TEX52: variants seen among roughly 807,000 people sequenced by gnomAD.
TEX52 encodes testis-expressed protein 52.
A neutral mutation model predicts 17.6 loss-of-function variants in TEX52; 22 were observed. That is an observed-to-expected ratio of 1.25 (90% CI 0.89 to 1.78). The LOEUF (loss-of-function observed/expected upper bound fraction) is 1.78, where lower values mean the gene tolerates loss of function less well. Ranked by LOEUF, TEX52 falls within the 40% of genes most tolerant of loss-of-function variation. The pLI is 0.00. For missense variants in TEX52, 396 were observed against 372.3 expected (o/e 1.06, Z -0.52); for synonymous variants, 168 against 147.4 (o/e 1.14, Z -1.01).
intron 2 of TEX52, among the ~76,000 whole-genome samples, chr12:2,852,683 G>A (rs910614736): frequency 2.0e-5 from 3 of 152,074 alleles, no homozygotes; most frequent in Non-Finnish European, 4.4e-5. Flanking sequence ...TACTTGACCT[G>A]TCCAGCTCAG....
downstream of TEX52, among the ~76,000 whole-genome samples, chr12:2,848,856 C>T (rs988260701): frequency 2.7e-5 from 4 of 148,254 alleles, no homozygotes; most frequent in Non-Finnish European, 4.4e-5. Context: ...CCTCTTCCCC[C>T]ACCCCAACAG....
chr12:2,849,217 C>A lies in TEX52; in HGVS notation c.*14G>T, dbSNP rs1284714849. 2.6e-6 allele frequency: 4 copies of A among 1,530,666 alleles called. No homozygotes were observed. The highest frequency in any genetic ancestry group is 3.5e-6 in the Non-Finnish European group (4 of 1,144,948). The allele number at this position is 1,530,666 out of a possible 1,614,324, so 94.8% of individuals were successfully genotyped here. On this transcript the variant is annotated 3_prime_UTR_variant, in exon 3 of 3. Transcript: ENST00000637658. ...GGGCTCTGGGTATCACGATCGTCCC[C>A]TCTGGAAGCCCTTCTAGAAGTGTCC...
rs769154114 is a variant in TEX52 at position 2,854,914 on chromosome 12, G to A, written c.605C>T (p.Pro202Leu). The A allele has an allele frequency of 7.2e-5, 111 of 1,534,976 alleles. 2 individuals carry two copies. The highest frequency in any genetic ancestry group is 3.2e-4 in the South Asian group (27 of 83,966). ...GTCTTACTTCTTGAAGCTCGCTGGC[G>A]GCTGGATGTTGCCCTGGGCATCGAG... ...PPLDAQGNIQ[P>L]PASFKKYRHI... Residue 202 changes from proline (P) to leucine (L), a missense_variant, in exon 2 of 3, where the codon CCG (proline) becomes CTG (leucine). Coordinates refer to ENST00000637658, the MANE Select transcript of TEX52 (RefSeq NM_001365174.2).
intron 2 of TEX52, among the ~76,000 whole-genome samples, chr12:2,854,069 C>A (rs189880256): frequency 5.9e-5 from 9 of 152,224 alleles, no homozygotes; most frequent in Admixed American, 1.3e-4. Flanking sequence ...CTTGTTGCCC[C>A]GGCTGGAGTG....
In TEX52 at chr12:2,855,413, G is replaced by A. The variant is rs1387570774; in HGVS notation, c.106C>T (p.Gln36Ter). The change falls in exon 2 of 3, where the codon CAA (glutamine) becomes TAA (stop). Residue 36 changes from glutamine to a stop codon, truncating the protein, a stop_gained. Transcript: ENST00000637658. LOFTEE classifies it high-confidence loss of function. The part of the protein sequence containing the change: ...VQASESLPPS[Q>*]TWAQREFFLP... ...AAGAACTCACGCTGAGCCCACGTTT[G>A]GGAGGGTGGGAGGGACTCGCTGGCC... 2 of 1,482,058 alleles carry A rather than the reference G, an allele frequency of 1.3e-6. No homozygotes were observed. Among genetic ancestry groups the A allele is most frequent in the South Asian group, 1.3e-5 (1 of 76,966 alleles). 91.8% of individuals were successfully genotyped at this position (1,482,058 alleles called of 1,614,324 possible).
In TEX52 at chr12:2,849,387, C is replaced by T; in HGVS notation, c.762G>A (p.Leu254=). ...LPHYQEKVLK[L]ALLPSAPLSQ... is the part of the protein sequence containing the mutation. ...TCAGGGGCGCGCTGGGCAGCAAGGC[C>T]AGCTTTAGCACCTTCTCCTGGTAGT... Residue 254 remains leucine, a synonymous_variant, in exon 3 of 3, where the codon CTG becomes CTA. Transcript: ENST00000637658. 1 of 1,536,176 alleles carries T rather than the reference C, an allele frequency of 6.5e-7. No homozygotes were observed. The highest frequency in any genetic ancestry group is 2.4e-5 in the East Asian group (1 of 40,918).
At chr12:2,849,635 C>T in intron 2 of TEX52, 110 bp from the exon 3 acceptor site, 1 of 1,258,204 alleles carries the variant, frequency 7.9e-7, no homozygotes, top group Non-Finnish European at 1.1e-6. Flanking sequence ...GCTAGTTAGC[C>T]ATCAGGCGGC....
At chr12:2,851,956 G>A (rs575677241) in intron 2 of TEX52, among the ~76,000 whole-genome samples, 1 of 152,368 alleles carries the variant, frequency 6.6e-6, no homozygotes, top group South Asian at 2.1e-4. Context: ...TGGGATTACA[G>A]GCGTGAGCCA....
rs542497783 is a variant in TEX52 at position 2,850,960 on chromosome 12, A to C, written c.624-1435T>G. On this transcript the variant is annotated intron_variant, in intron 2 of 2. Coordinates refer to ENST00000637658, the MANE Select transcript of TEX52 (RefSeq NM_001365174.2). ...GTGCTGAGATTACAAGCATGAGCCA[A>C]CACACCAGGCCCAGAGTCTTTTTTT... Among the ~76,000 whole-genome samples the C allele has an allele frequency of 9.2e-4, 137 of 149,194 alleles. 1 individual carries two copies. The highest frequency in any genetic ancestry group is 1.4e-3 in the Non-Finnish European group (97 of 67,634).
At chr12:2,853,718 C>G (rs1047306556) in intron 2 of TEX52, among the ~76,000 whole-genome samples, 3 of 152,156 alleles carry the variant, frequency 2.0e-5, no homozygotes, top group African/African-American at 7.2e-5. Context: ...TGCCTTCCCC[C>G]TTTCTTGTTA....
At chr12:2,856,662 C>CGG (rs2098088333) in intron 1 of TEX52, among the ~76,000 whole-genome samples, 1 of 152,184 alleles carries the variant, frequency 6.6e-6, no homozygotes, top group Non-Finnish European at 1.5e-5. Context: ...TGTGCCTGGC[C>CGG]CCCAGGACTT....
In TEX52 at chr12:2,849,142, A is replaced by G; in HGVS notation, c.*89T>C. 1 of 1,366,334 alleles carries G rather than the reference A, an allele frequency of 7.3e-7. No individual in the cohort carries two copies. Among genetic ancestry groups the G allele is most frequent in the Non-Finnish European group, 9.7e-7 (1 of 1,033,358 alleles). 84.6% of individuals were successfully genotyped at this position (1,366,334 alleles called of 1,614,324 possible). On this transcript the variant is annotated 3_prime_UTR_variant, in exon 3 of 3. Coordinates refer to ENST00000637658, the MANE Select transcript of TEX52 (RefSeq NM_001365174.2). ...CTGCAGAAGCCAGAGTCCTTTTGCT[A>G]CCCCAGGGCCTCTTGCTGAAGGAGC...
intron 2 of TEX52, among the ~76,000 whole-genome samples, chr12:2,853,094 A>C (rs993712394): frequency 2.0e-5 from 3 of 152,054 alleles, no homozygotes; most frequent in African/African-American, 7.2e-5. Flanking sequence ...TGTTTGGCAG[A>C]ACACCACCTG....
intron 2 of TEX52, among the ~76,000 whole-genome samples, chr12:2,852,769 C>T (rs1339247562): frequency 2.6e-5 from 4 of 152,022 alleles, no homozygotes; most frequent in African/African-American, 9.7e-5. Context: ...CTTTGGGAGG[C>T]CGAGTTGGGC....
chr12:2,848,869 A>ACACG (rs1555092582), downstream of TEX52, among the ~76,000 whole-genome samples: 2 of 108,922 alleles, frequency 1.8e-5, no homozygotes, highest in Non-Finnish European at 3.6e-5. Flanking sequence ...CCCAACAGAC[A>ACACG]CACACACGCA....
intron 2 of TEX52, among the ~76,000 whole-genome samples, chr12:2,850,834 C>G (rs1344736496): frequency 1.3e-5 from 2 of 151,654 alleles, no homozygotes; most frequent in East Asian, 4.0e-4. Flanking sequence ...CCACTCCTGG[C>G]TAATTTTTTA....
rs115680621 is a variant in TEX52, at chr12:2,854,958, A to G, written c.561T>C (p.Ser187=). ...CATCGAGTGGGGGTGCTCTTGCCTC[A>G]CTCCTCAACTTGAGCTTCTCCACCT... ...LKEVEKLKLR[S]EARAPPLDAQ... is the part of the protein sequence containing the mutation. Residue 187 remains serine, a synonymous_variant, in exon 2 of 3, where the codon AGT becomes AGC. Coordinates refer to ENST00000637658, the MANE Select transcript of TEX52 (RefSeq NM_001365174.2). 5.8e-5 allele frequency: 89 copies of G among 1,535,364 alleles called. 1 individual carries two copies. The Middle Eastern group carries it at 1.5e-3, about 26-fold the overall frequency.
rs185020457 is a variant in TEX52, at chr12:2,853,798, G to A, written c.623+1098C>T. Reference sequence around the variant, plus strand: ...CCGTGAGTTCCCAGGGTGGCCGGGAGGGGGAGCTGCGGGGTTCACAGCGGC... The same window carrying A: ...CCGTGAGTTCCCAGGGTGGCCGGGAAGGGGAGCTGCGGGGTTCACAGCGGC... On this transcript the variant is annotated intron_variant, in intron 2 of 2. Transcript: ENST00000637658. Among the ~76,000 whole-genome samples, 11 of 152,172 alleles carry A rather than the reference G, an allele frequency of 7.2e-5. No individual in the cohort carries two copies. The East Asian group carries it at 1.2e-3, about 16-fold the overall frequency.
chr12:2,856,241 C>T (rs1399950915), intron 1 of TEX52, among the ~76,000 whole-genome samples: 1 of 152,142 alleles, frequency 6.6e-6, no homozygotes, highest in Non-Finnish European at 1.5e-5. Flanking sequence ...GACTTAAGCC[C>T]TCTGTCTGTG....
Sources: gnomAD v4.1 joint callset for allele counts (sites outside exome capture counted in the v4.1 genomes callset) on GRCh38, gnomAD v4.1.1 for gene constraint, MANE v1.5 for transcripts, NCBI Gene and HGNC (gene_info 2026-07-23, HGNC 2026-07-21) for gene names.